The following CDK14 variants were observed in gnomAD, a reference collection of about 807,000 sequenced individuals.
The protein encoded by CDK14 is cyclin dependent kinase 14, also known as cyclin-dependent kinase 14.
Under a neutral mutation model 60.7 loss-of-function variants are expected in CDK14, and 34 were observed. That is an observed-to-expected ratio of 0.56 (90% CI 0.43 to 0.75). CDK14 has a LOEUF of 0.75. Ranked by LOEUF, CDK14 falls within the 30% of genes least tolerant of loss-of-function variation. The probability of loss-of-function intolerance (pLI) is 0.00; values close to 1 mark genes in which losing one functional copy is unlikely to be tolerated. For synonymous variants in CDK14, 197 were observed against 203.7 expected (o/e 0.97, Z 0.28); for missense variants, 482 against 564.1 (o/e 0.85, Z 1.47).
At chr7:90,614,668 G>A (rs1416959836) in intron 2 of CDK14, among the ~76,000 whole-genome samples, 3 of 152,014 alleles carry the variant, frequency 2.0e-5, no homozygotes, top group African/African-American at 7.2e-5. Context: ...GACTGGTCTT[G>A]AACTCCTGGG....
At chr7:91,124,175 A>G (rs1004585067) in intron 14 of CDK14, among the ~76,000 whole-genome samples, 3 of 152,192 alleles carry the variant, frequency 2.0e-5, no homozygotes, top group South Asian at 2.1e-4. Context: ...GGCATGAGCA[A>G]CTATGCCCAG....
At position 90,984,192 on chromosome 7, in the gene CDK14, C is replaced by T. The variant is rs1034040358; in HGVS notation, c.992C>T (p.Ala331Val). 8.1e-6 allele frequency: 13 copies of T among 1,612,900 alleles called. No homozygotes were observed. The highest frequency in any genetic ancestry group is 1.1e-5 in the Non-Finnish European group (13 of 1,179,084). Residue 331 changes from alanine (A) to valine (V), a missense_variant, in exon 10 of 15, where the codon GCT (alanine) becomes GTT (valine). Physicochemically the swap from Ala to Val is moderately conservative, Grantham distance 64. Transcript: ENST00000380050. ...GTTGAAATGATCCAAGGAGTTGCTG[C>T]TTTTCCAGGAATGAAAGACATTCAG... ...IFVEMIQGVA[A>V]FPGMKDIQDQ...
intron 2 of CDK14, among the ~76,000 whole-genome samples, chr7:90,692,936 T>TAAA (rs764007388): frequency 7.1e-6 from 1 of 141,124 alleles, no homozygotes; most frequent in African/African-American, 2.6e-5. Context: ...TTCCATCAAG[T>TAAA]AAAAAAAAAA....
intron 1 of CDK14, among the ~76,000 whole-genome samples, chr7:90,598,077 A>G (rs958548216): frequency 1.3e-5 from 2 of 152,232 alleles, no homozygotes; most frequent in African/African-American, 4.8e-5. Flanking sequence ...ATTAACGAGG[A>G]TGTTTCAACC....
intron 5 of CDK14, among the ~76,000 whole-genome samples, chr7:90,809,001 G>T (rs758081653): frequency 6.6e-6 from 1 of 152,140 alleles, no homozygotes; most frequent in Non-Finnish European, 1.5e-5. Flanking sequence ...AAGAGACTTA[G>T]ACTCCCATAC....
chr7:91,077,743 TACACACAC>T (rs36101608), intron 11 of CDK14, among the ~76,000 whole-genome samples: 194 of 148,688 alleles, frequency 1.3e-3, no homozygotes, highest in African/African-American at 3.1e-3. Flanking sequence ...TTCACTTTTA[TACACACAC>T]ACACACACAC....
intron 5 of CDK14, among the ~76,000 whole-genome samples, chr7:90,845,793 T>A (rs1391182904): frequency 6.6e-6 from 1 of 152,120 alleles, no homozygotes; most frequent in Non-Finnish European, 1.5e-5. Context: ...AAATGAGAAT[T>A]TTTTTGTCTC....
chr7:90,609,539 C>G (rs1318783824), intron 2 of CDK14, among the ~76,000 whole-genome samples: 1 of 152,072 alleles, frequency 6.6e-6, no homozygotes, highest in Non-Finnish European at 1.5e-5. Context: ...TGTAGCACCT[C>G]CCCCTTCGCT....
In CDK14 at chr7:91,169,532, G is replaced by A. The variant is rs559677566; in HGVS notation, c.*29-37633G>A. Among the ~76,000 whole-genome samples, 116 of 152,226 alleles carry A rather than the reference G, an allele frequency of 7.6e-4. 3 individuals are homozygous for A. Among genetic ancestry groups the A allele is most frequent in the South Asian group, 5.4e-3 (26 of 4,814 alleles). On this transcript the variant is annotated intron_variant, in intron 14 of 14. Coordinates refer to ENST00000380050, the MANE Select transcript of CDK14 (RefSeq NM_001287135.2). ...CTGAAGATCTAAAGCACCCCAAAGC[G>A]GGCCAAGTACCCTCTCCCTTTAAAA...
At chr7:90,786,484 G>T (rs1246811076) in intron 4 of CDK14, among the ~76,000 whole-genome samples, 2 of 152,104 alleles carry the variant, frequency 1.3e-5, no homozygotes, top group Non-Finnish European at 1.5e-5. Context: ...CATAAAATAG[G>T]TTAAATCCAC....
At chr7:91,009,821 A>G (rs11773740) in intron 10 of CDK14, among the ~76,000 whole-genome samples, 35,854 of 151,996 alleles carry the variant, frequency 0.24, 4,488 homozygotes, top group Middle Eastern at 0.3. Flanking sequence ...AGCAAGAGAC[A>G]TAATTTTGAT....
chr7:90,738,588 A>G (rs1476028451), intron 3 of CDK14, among the ~76,000 whole-genome samples: 1 of 152,182 alleles, frequency 6.6e-6, no homozygotes, highest in Non-Finnish European at 1.5e-5. Flanking sequence ...TAAATTTCAC[A>G]TCTCTATGCA....
chr7:90,670,686 A>G (rs1285377767), intron 2 of CDK14, among the ~76,000 whole-genome samples: 5 of 152,058 alleles, frequency 3.3e-5, no homozygotes, highest in Admixed American at 6.6e-5. Context: ...CCCTTAAACA[A>G]CCAGATCCTG....
At chr7:90,956,504 G>A (rs1161272838) in intron 9 of CDK14, among the ~76,000 whole-genome samples, 4 of 151,996 alleles carry the variant, frequency 2.6e-5, no homozygotes, top group Admixed American at 6.6e-5. Flanking sequence ...CATGAAGGAC[G>A]GACTGTTGAA....
intron 11 of CDK14, among the ~76,000 whole-genome samples, chr7:91,061,159 G>A (rs954676023): frequency 1.3e-5 from 2 of 152,062 alleles, no homozygotes; most frequent in Admixed American, 6.5e-5. Flanking sequence ...TTGATCTTCA[G>A]TCACTGATAC....
intron 13 of CDK14, among the ~76,000 whole-genome samples, chr7:91,114,131 C>T (rs1321734454): frequency 6.6e-6 from 1 of 152,054 alleles, no homozygotes; most frequent in Non-Finnish European, 1.5e-5. Flanking sequence ...GTTTGTTTTC[C>T]CATTTAGTGT....
chr7:90,630,586 C>T (rs1362450502), intron 2 of CDK14, among the ~76,000 whole-genome samples: 1 of 152,184 alleles, frequency 6.6e-6, no homozygotes, highest in African/African-American at 2.4e-5. Context: ...AAAGTAACGT[C>T]TACCATTCTG....
chr7:90,751,115 G>A (rs559021258), intron 4 of CDK14, among the ~76,000 whole-genome samples: 1 of 152,104 alleles, frequency 6.6e-6, no homozygotes, highest in African/African-American at 2.4e-5. Context: ...ATATTTGAGG[G>A]AATAATCCCA....
intron 9 of CDK14, among the ~76,000 whole-genome samples, chr7:90,976,118 G>A (rs1193083911): frequency 6.6e-6 from 1 of 152,016 alleles, no homozygotes; most frequent in African/African-American, 2.4e-5. Context: ...CCTCCATACT[G>A]TTCTCCATAG....
Sources: allele counts gnomAD v4.1 joint callset (sites outside exome capture counted in the v4.1 genomes callset), GRCh38; gene constraint gnomAD v4.1.1; transcripts MANE v1.5; gene names NCBI Gene and HGNC (gene_info 2026-07-23, HGNC 2026-07-21).